Variants in MCTP1 observed in about 807,000 individuals in gnomAD.
MCTP1 encodes the protein multiple C2 and transmembrane domain-containing protein 1.
A neutral mutation model predicts 120.6 loss-of-function variants in MCTP1; 69 were observed. The observed-to-expected ratio is 0.57, with a 90% confidence interval of 0.47 to 0.70. The LOEUF (loss-of-function observed/expected upper bound fraction) is 0.70. MCTP1 is among the 30% of genes least tolerant of loss of function. The probability of loss-of-function intolerance (pLI) is 0.00; values close to 1 mark genes in which losing one functional copy is unlikely to be tolerated. For missense variants in MCTP1, 1,203 were observed against 1,248.8 expected, an observed-to-expected ratio of 0.96 and a Z score of 0.55; for synonymous variants, 529 against 493.1, an observed-to-expected ratio of 1.07 and a Z score of -0.96.
At chr5:94,891,949 C>T (rs1323694677) in intron 11 of MCTP1, among the ~76,000 whole-genome samples, 4 of 151,930 alleles carry the variant, frequency 2.6e-5, no homozygotes, top group Admixed American at 2.6e-4. Flanking sequence ...TCCTTTCAGC[C>T]CTCAATAGAT....
chr5:95,273,409 G>A (rs888508454), intron 1 of MCTP1, among the ~76,000 whole-genome samples: 1 of 152,150 alleles, frequency 6.6e-6, no homozygotes, highest in Admixed American at 6.5e-5. Flanking sequence ...ACACTACCTT[G>A]ATTAAGAATG....
At chr5:94,920,342 C>CTT (rs1811247968) in intron 7 of MCTP1, among the ~76,000 whole-genome samples, 1 of 145,796 alleles carries the variant, frequency 6.9e-6, no homozygotes, top group Non-Finnish European at 1.5e-5. Context: ...TAACATCATA[C>CTT]TTAAAAATGG....
chr5:95,165,274 G>A (rs1746194637), intron 1 of MCTP1, among the ~76,000 whole-genome samples: 1 of 152,114 alleles, frequency 6.6e-6, no homozygotes, highest in South Asian at 2.1e-4. Flanking sequence ...CAAAAGTAAT[G>A]GCAAAAACTG....
intron 17 of MCTP1, 120 bp from the exon 18 acceptor site, chr5:94,799,252 C>G: frequency 1.1e-6 from 1 of 896,778 alleles, no homozygotes; most frequent in Non-Finnish European, 1.6e-6. Context: ...GAAGATTTAT[C>G]TTGAAAACAA....
At chr5:95,053,254 C>G (rs1255417890) in intron 1 of MCTP1, among the ~76,000 whole-genome samples, 3 of 152,182 alleles carry the variant, frequency 2.0e-5, no homozygotes, top group African/African-American at 7.2e-5. Context: ...TATCTCCACC[C>G]CCACTTAAAT....
chr5:94,979,391 A>G (rs1828896071), intron 2 of MCTP1: 1 of 152,100 alleles, frequency 6.6e-6, no homozygotes, highest in African/African-American at 2.4e-5. Flanking sequence ...CTGAACTTAG[A>G]GCTGTATACG....
intron 18 of MCTP1, 127 bp from the exon 19 acceptor site, chr5:94,779,290 G>T: frequency 1.3e-6 from 1 of 768,810 alleles, no homozygotes; most frequent in South Asian, 1.5e-5. Context: ...AGGGATATTT[G>T]ATCTAGAGAG....
At chr5:94,818,689 A>C (rs190803887) in intron 17 of MCTP1, among the ~76,000 whole-genome samples, 1 of 152,354 alleles carries the variant, frequency 6.6e-6, no homozygotes, top group Admixed American at 6.5e-5. Flanking sequence ...ACTTTAATGA[A>C]GGAAGGTCTT....
At chr5:94,930,267 ATTTTTTTTTT>A (rs869306266) in intron 6 of MCTP1, among the ~76,000 whole-genome samples, 5 of 100,928 alleles carry the variant, frequency 5.0e-5, no homozygotes, top group Admixed American at 3.8e-4. Flanking sequence ...TTAAAGAAGA[ATTTTTTTTTT>A]TTTTTTTTTT....
At chr5:94,954,254 C>G (rs1431524607) in intron 2 of MCTP1, among the ~76,000 whole-genome samples, 1 of 144,208 alleles carries the variant, frequency 6.9e-6, no homozygotes, top group Non-Finnish European at 1.5e-5. Flanking sequence ...TCTTTAGCAG[C>G]AACATGGATG....
intron 19 of MCTP1, among the ~76,000 whole-genome samples, chr5:94,763,074 C>T (rs1463161536): frequency 6.6e-6 from 1 of 152,170 alleles, no homozygotes; most frequent in Non-Finnish European, 1.5e-5. Context: ...TTAAAAATCT[C>T]TCAAATTTGT....
chr5:95,166,481 C>G (rs1246877255), intron 1 of MCTP1, among the ~76,000 whole-genome samples: 1 of 152,128 alleles, frequency 6.6e-6, no homozygotes, highest in Non-Finnish European at 1.5e-5. Context: ...AAAGCCACTC[C>G]ATAATTCATA....
rs961923351 is a variant in MCTP1 at position 95,266,667 on chromosome 5, G to A, written c.720+17189C>T. Among the ~76,000 whole-genome samples the A allele has an allele frequency of 6.6e-5, 10 of 152,280 alleles. No individual in the cohort carries two copies. In the East Asian group the frequency reaches 7.7e-4, roughly 12 times the overall value. On this transcript the variant is annotated intron_variant, in intron 1 of 22. Transcript: ENST00000515393. ...TCTGTCATGAAAATTTTTACTAGAT[G>A]CTATTTCCTAGTCCAGATGGCAGTA...
intron 19 of MCTP1, among the ~76,000 whole-genome samples, chr5:94,759,924 A>AT (rs1366527315): frequency 2.2e-5 from 3 of 139,376 alleles, no homozygotes; most frequent in Middle Eastern, 3.8e-3. Flanking sequence ...AAAAAAAAAA[A>AT]GCAGAGTGAC....
intron 2 of MCTP1, among the ~76,000 whole-genome samples, chr5:94,957,785 C>A (rs528139295): frequency 1.3e-5 from 2 of 152,276 alleles, no homozygotes; most frequent in East Asian, 3.9e-4. Context: ...TCTTAGAGAC[C>A]TACAAAGAGA....
chr5:95,099,182 T>C (rs1756514274), intron 1 of MCTP1, among the ~76,000 whole-genome samples: 1 of 152,144 alleles, frequency 6.6e-6, no homozygotes, highest in Non-Finnish European at 1.5e-5. Flanking sequence ...GAAGAAAACC[T>C]AGGCATTACC....
At chr5:94,984,519 T>C (rs1181573871) in intron 2 of MCTP1, among the ~76,000 whole-genome samples, 1 of 152,158 alleles carries the variant, frequency 6.6e-6, no homozygotes, top group African/African-American at 2.4e-5. Context: ...ACAGAGAGTC[T>C]TGAACGCCAG....
intron 7 of MCTP1, 53 bp downstream of exon 7, chr5:94,923,909 T>C: frequency 9.0e-7 from 1 of 1,105,912 alleles, no homozygotes; most frequent in Non-Finnish European, 1.3e-6. Flanking sequence ...CTTTCAAAAT[T>C]GCTATCCAAA....
intron 17 of MCTP1, chr5:94,868,076 T>C (rs759986798): frequency 1.0e-5 from 3 of 288,404 alleles, no homozygotes; most frequent in African/African-American, 2.2e-5. Context: ...TTTTACTTTT[T>C]AACTGTCACA....
Sources: allele counts gnomAD v4.1 joint callset (sites outside exome capture counted in the v4.1 genomes callset), GRCh38; gene constraint gnomAD v4.1.1; transcripts MANE v1.5; gene names NCBI Gene and HGNC (gene_info 2026-07-23, HGNC 2026-07-21).